ZNF474: variants seen among roughly 807,000 people sequenced by gnomAD.
The protein encoded by ZNF474 is 4933409D10Rik.
For missense variants in ZNF474, 511 were observed against 433.8 expected, an observed-to-expected ratio of 1.18 and a Z score of -1.58; for synonymous variants, 192 against 162.2, an observed-to-expected ratio of 1.18 and a Z score of -1.39.
chr5:122,139,423 A>C (rs1479200320), intron 1 of ZNF474, among the ~76,000 whole-genome samples: 1 of 152,144 alleles, frequency 6.6e-6, no homozygotes, highest in Non-Finnish European at 1.5e-5. Flanking sequence ...AATTTATTTT[A>C]TTGTCAATTT....
chr5:122,137,474 AAAAG>A (rs1267552009), intron 1 of ZNF474, among the ~76,000 whole-genome samples: 10 of 147,448 alleles, frequency 6.8e-5, no homozygotes, highest in African/African-American at 2.3e-4. Flanking sequence ...AAAAAAAAAA[AAAAG>A]AGTAGTTAAG....
intron 1 of ZNF474, among the ~76,000 whole-genome samples, chr5:122,148,646 G>A (rs1004726329): frequency 6.6e-6 from 1 of 152,232 alleles, no homozygotes; most frequent in East Asian, 1.9e-4. Flanking sequence ...GAAGATATTG[G>A]TGAAATTAAG....
chr5:122,137,622 A>G (rs554811668), intron 1 of ZNF474, among the ~76,000 whole-genome samples: 37 of 152,146 alleles, frequency 2.4e-4, no homozygotes, highest in African/African-American at 8.4e-4. Flanking sequence ...CCCCCAGTCT[A>G]CCCCAAAGTA....
intron 1 of ZNF474, among the ~76,000 whole-genome samples, chr5:122,142,504 G>A (rs567379367): frequency 6.6e-6 from 1 of 152,262 alleles, no homozygotes; most frequent in East Asian, 1.9e-4. Flanking sequence ...GTTTTTAAAT[G>A]AACCATCACC....
At chr5:122,135,287 T>C (rs567768764) in intron 1 of ZNF474, among the ~76,000 whole-genome samples, 9 of 152,194 alleles carry the variant, frequency 5.9e-5, no homozygotes, top group Admixed American at 3.3e-4. Flanking sequence ...CTGGGCAACA[T>C]ATCAAGACTT....
intron 1 of ZNF474, among the ~76,000 whole-genome samples, chr5:122,143,651 A>C (rs1422535797): frequency 6.6e-6 from 1 of 152,198 alleles, no homozygotes; most frequent in Non-Finnish European, 1.5e-5. Flanking sequence ...CAGAAAGAAA[A>C]AGTGTACCAA....
chr5:122,149,141 T>C (rs1035981872), intron 1 of ZNF474, among the ~76,000 whole-genome samples: 11 of 152,046 alleles, frequency 7.2e-5, no homozygotes, highest in African/African-American at 2.7e-4. Flanking sequence ...GAACAACAGA[T>C]AGTGAATGCA....
At chr5:122,145,392 C>G (rs2152605785) in intron 1 of ZNF474, among the ~76,000 whole-genome samples, 1 of 152,250 alleles carries the variant, frequency 6.6e-6, no homozygotes, top group East Asian at 1.9e-4. Context: ...TCTGCAGATG[C>G]CATGGTACCA....
intron 1 of ZNF474, among the ~76,000 whole-genome samples, chr5:122,136,738 C>T (rs997802131): frequency 1.3e-5 from 2 of 152,186 alleles, no homozygotes; most frequent in Non-Finnish European, 2.9e-5. Context: ...ATGTGTAAGA[C>T]TTGAGAAAAT....
chr5:122,130,594 T>G (rs7706057), intron 1 of ZNF474, among the ~76,000 whole-genome samples: 3,692 of 152,262 alleles, frequency 0.024, 147 homozygotes, highest in African/African-American at 0.085. Flanking sequence ...ATTGGTAGTT[T>G]GTTTGTTTCT....
intron 1 of ZNF474, among the ~76,000 whole-genome samples, chr5:122,130,180 G>A (rs1412187087): frequency 6.6e-6 from 1 of 151,976 alleles, no homozygotes; most frequent in East Asian, 1.9e-4. Context: ...AATTATTTGA[G>A]ATAAAATCAA....
intron 1 of ZNF474, among the ~76,000 whole-genome samples, chr5:122,145,844 A>G (rs148838267): frequency 6.6e-6 from 1 of 152,302 alleles, no homozygotes; most frequent in African/African-American, 2.4e-5. Context: ...ATTATTACTT[A>G]TATTTTGAGG....
At chr5:122,150,727 A>C (rs569048836) in intron 1 of ZNF474, among the ~76,000 whole-genome samples, 2 of 152,342 alleles carry the variant, frequency 1.3e-5, no homozygotes, top group East Asian at 3.9e-4. Context: ...ATACAAATTT[A>C]AGATTCTTCC....
chr5:122,146,670 T>C (rs1755998189), intron 1 of ZNF474, among the ~76,000 whole-genome samples: 1 of 152,144 alleles, frequency 6.6e-6, no homozygotes, highest in Non-Finnish European at 1.5e-5. Context: ...ATGGCTAAAA[T>C]AAAAATAAAA....
At chr5:122,147,602 C>A (rs1756025799) in intron 1 of ZNF474, among the ~76,000 whole-genome samples, 2 of 151,410 alleles carry the variant, frequency 1.3e-5, no homozygotes, top group Admixed American at 6.6e-5. Context: ...TCAGTTCCCA[C>A]TTATGAGTGT....
chr5:122,142,222 G>A (rs1755863134), intron 1 of ZNF474, among the ~76,000 whole-genome samples: 1 of 152,130 alleles, frequency 6.6e-6, no homozygotes, highest in South Asian at 2.1e-4. Flanking sequence ...GAAACAAAGT[G>A]AAATAGAACA....
chr5:122,131,423 A>G (rs1755574448), intron 1 of ZNF474, among the ~76,000 whole-genome samples: 1 of 152,152 alleles, frequency 6.6e-6, no homozygotes, highest in South Asian at 2.1e-4. Flanking sequence ...CTATCAACAG[A>G]TAAATGGATA....
chr5:122,151,824 G>A lies in ZNF474; in HGVS notation c.-167G>A. The A allele has an allele frequency of 2.6e-6, 2 of 766,440 alleles. No individual in the cohort carries two copies. The highest frequency in any genetic ancestry group is 2.0e-6 in the Non-Finnish European group (1 of 490,986). 47.5% of individuals were successfully genotyped at this position (766,440 alleles called of 1,614,324 possible). ...TTAATGAGGACTTTCCAACATTCCA[G>A]ACTGCCGTCCTGCAATGAAGCTCTG... On this transcript the variant is annotated 5_prime_UTR_variant, in exon 2 of 2. Transcript: ENST00000296600.
chr5:122,141,223 T>C (rs1292871816), intron 1 of ZNF474, among the ~76,000 whole-genome samples: 2 of 150,128 alleles, frequency 1.3e-5, no homozygotes, highest in Non-Finnish European at 2.9e-5. Flanking sequence ...CGATCTCAGC[T>C]CACAGCAGCC....
Sources: allele counts gnomAD v4.1 joint callset (sites outside exome capture counted in the v4.1 genomes callset), GRCh38; gene constraint gnomAD v4.1.1; transcripts MANE v1.5; gene names NCBI Gene and HGNC (gene_info 2026-07-23, HGNC 2026-07-21).